GTSE1: variants seen among roughly 807,000 people sequenced by gnomAD.
GTSE1 encodes the protein G2 and S phase-expressed protein 1.
In GTSE1, 52 loss-of-function variants were observed where a neutral mutation model predicts 60.5. The ratio of observed to expected loss-of-function variants is 0.86; its 90% CI spans 0.69 to 1.08. The LOEUF is 1.08. GTSE1 is among the 50% of genes least tolerant of loss of function. GTSE1 has a pLI of 0.00. For synonymous variants in GTSE1, 368 were observed against 386.5 expected (o/e 0.95, Z 0.56); for missense variants, 937 against 961.8 (o/e 0.97, Z 0.34).
chr22:46,323,287 CTCTT>C, intron 8 of GTSE1, 25 bp downstream of exon 8: 1 of 1,551,640 alleles, frequency 6.4e-7, no homozygotes, highest in South Asian at 1.1e-5. Flanking sequence ...TCCGCTTCCT[CTCTT>C]TATTGCTGTA....
rs189739108 is a variant in GTSE1, at chr22:46,317,175, C to A, written c.1432+763C>A. On this transcript the variant is annotated intron_variant, in intron 7 of 11. Coordinates refer to ENST00000454366, the MANE Select transcript of GTSE1 (RefSeq NM_016426.7). The surrounding 1 kb of genome is among the most constrained non-coding windows in gnomAD (Gnocchi z 5.6). Reference sequence around the variant, plus strand: ...AGAGACGGGGTTTCGCCATGTTGGCCAGGCTGGTCTGGAACTCCTGACCTC... The same window carrying A: ...AGAGACGGGGTTTCGCCATGTTGGCAAGGCTGGTCTGGAACTCCTGACCTC... 3.7e-3 allele frequency among the ~76,000 whole-genome samples: 563 copies of A among 152,204 alleles called. 4 individuals carry two copies. The highest frequency in any genetic ancestry group is 0.011 in the African/African-American group (470 of 41,524).
chr22:46,316,699 G>A lies in GTSE1; in HGVS notation c.1432+287G>A, dbSNP rs915979492. Among the ~76,000 whole-genome samples the A allele has an allele frequency of 1.3e-5, 2 of 152,120 alleles. No homozygotes were observed. The highest frequency in any genetic ancestry group is 2.9e-5 in the Non-Finnish European group (2 of 68,018). On this transcript the variant is annotated intron_variant, in intron 7 of 11. Coordinates refer to ENST00000454366, the MANE Select transcript of GTSE1 (RefSeq NM_016426.7). This position sits in a 1 kb window ranked among gnomAD's most constrained non-coding sequence, Gnocchi z 5.0. ...CGGGAATTTGATTATTATGTGCTTT[G>A]AGGTGGCTTTCTTTGCCTTTATCCC...
In GTSE1 at chr22:46,330,066, C is replaced by A; in HGVS notation, c.2156C>A (p.Pro719His). The A allele has an allele frequency of 6.2e-7, 1 of 1,610,598 alleles. No homozygotes were observed. The highest frequency in any genetic ancestry group is 8.5e-7 in the Non-Finnish European group (1 of 1,176,732). ...TTCCAGCTCATAGACCTGAGCTCCC[C>A]TCTGATCCAGCTGAGCCCTGAGGCT... is the stretch of plus-strand genomic sequence containing the variant. ...VVGQLIDLSS[P>H]LIQLSPEADK... is the part of the protein sequence containing the mutation. The change falls in exon 12 of 12, where the codon CCT becomes CAT. Residue 719 changes from proline to histidine, a missense_variant. Transcript: ENST00000454366. This position sits in a 1 kb window ranked among gnomAD's most constrained non-coding sequence, Gnocchi z 6.0.
At chr22:46,322,982 G>A (rs1433807582) in intron 7 of GTSE1, among the ~76,000 whole-genome samples, 2 of 152,216 alleles carry the variant, frequency 1.3e-5, no homozygotes, top group African/African-American at 4.8e-5. Flanking sequence ...CTTTGCCTGG[G>A]CAGGGGTCCC....
In GTSE1 at chr22:46,309,495, G is replaced by A. The variant is rs1358752627; in HGVS notation, c.762+552G>A. On this transcript the variant is annotated intron_variant, in intron 4 of 11. Transcript: ENST00000454366. The surrounding 1 kb of genome is among the most constrained non-coding windows in gnomAD (Gnocchi z 6.2). ...TGGCTCTTGCTCGGGAGAGGCCACA[G>A]AGAGGAAGACGGGGCGGGTGGGAGC... Among the ~76,000 whole-genome samples, 1 of 152,142 alleles carries A rather than the reference G, an allele frequency of 6.6e-6. No homozygotes were observed. The highest frequency in any genetic ancestry group is 1.9e-4 in the East Asian group (1 of 5,180).
rs2077769929 is a variant in GTSE1, at chr22:46,314,867, AT to A, written c.1051+855del. 6.6e-6 allele frequency among the ~76,000 whole-genome samples: 1 copy of A among 151,272 alleles called. No homozygotes were observed. The highest frequency in any genetic ancestry group is 1.5e-5 in the Non-Finnish European group (1 of 67,850). On this transcript the variant is annotated intron_variant, in intron 6 of 11. Transcript: ENST00000454366. The surrounding 1 kb of genome is among the most constrained non-coding windows in gnomAD (Gnocchi z 7.1). Reference sequence around the variant, plus strand: ...CTCCGTCTCAAAAAAAAAAAAAAAAATGATAAGTGTGAACTCTCTAATCAGA... The same window carrying A: ...CTCCGTCTCAAAAAAAAAAAAAAAAAGATAAGTGTGAACTCTCTAATCAGA...
intron 8 of GTSE1, among the ~76,000 whole-genome samples, chr22:46,326,235 C>T (rs1311949125): frequency 1.3e-5 from 2 of 152,254 alleles, no homozygotes; most frequent in African/African-American, 2.4e-5. Context: ...CCGAAGCCCA[C>T]GCCAGGATGG....
intron 2 of GTSE1, among the ~76,000 whole-genome samples, chr22:46,303,735 T>G (rs2077701852): frequency 6.6e-6 from 1 of 152,236 alleles, no homozygotes. Context: ...GGGCATGTAA[T>G]AGAATTGTAC....
chr22:46,326,285 T>A (rs1278669646), intron 8 of GTSE1, 151 bp from the exon 9 acceptor site: 9 of 626,826 alleles, frequency 1.4e-5, no homozygotes, highest in Admixed American at 3.6e-5. Flanking sequence ...TTGGGGCCTG[T>A]CCCAGGAGAG....
At chr22:46,306,084 G>GTAATTAAGAA (rs1256719884) in intron 2 of GTSE1, among the ~76,000 whole-genome samples, 1 of 151,978 alleles carries the variant, frequency 6.6e-6, no homozygotes, top group African/African-American at 2.4e-5. Flanking sequence ...CCTTGATTAG[G>GTAATTAAGAA]TAATTAAGAA....
In GTSE1 at chr22:46,324,716, A is replaced by G. The variant is rs1418266513; in HGVS notation, c.1505+1454A>G. On this transcript the variant is annotated intron_variant, in intron 8 of 11. Transcript: ENST00000454366. This position sits in a 1 kb window ranked among gnomAD's most constrained non-coding sequence, Gnocchi z 5.2. ...TGTGGTGGGGCTGCCAGAACTTAGCAATAAAGGGAGGAGGGTGGGGAATCC... is the reference window on the plus strand; with the variant it reads ...TGTGGTGGGGCTGCCAGAACTTAGCGATAAAGGGAGGAGGGTGGGGAATCC... 6.6e-6 allele frequency among the ~76,000 whole-genome samples: 1 copy of G among 152,142 alleles called. No homozygotes were observed. The highest frequency in any genetic ancestry group is 1.5e-5 in the Non-Finnish European group (1 of 68,032).
chr22:46,308,100 T>C, intron 2 of GTSE1, 50 bp from the exon 3 acceptor site: 1 of 1,211,696 alleles, frequency 8.3e-7, no homozygotes, highest in South Asian at 1.2e-5. Flanking sequence ...GTAATATTTT[T>C]CTCTTTATCA....
chr22:46,308,234 C>T (rs756681742), intron 3 of GTSE1, 27 bp downstream of exon 3: 3 of 1,608,570 alleles, frequency 1.9e-6, no homozygotes, highest in Non-Finnish European at 2.6e-6. Context: ...TCTTCCCTTG[C>T]CTTGGGCATA....
chr22:46,323,331 C>T (rs1011103341), intron 8 of GTSE1, 69 bp downstream of exon 8: 51 of 1,192,114 alleles, frequency 4.3e-5, no homozygotes, highest in Non-Finnish European at 4.3e-5. Flanking sequence ...TTACCTCAAC[C>T]ATTTGGTAAC....
rs758523349 is a variant in GTSE1, at chr22:46,328,864, C to T, written c.1901C>T (p.Pro634Leu). 34 of 1,613,642 alleles carry T rather than the reference C, an allele frequency of 2.1e-5. No individual in the cohort carries two copies. Among genetic ancestry groups the T allele is most frequent in the Middle Eastern group, 1.6e-4 (1 of 6,084 alleles). Reference protein sequence around the residue: ...ATEVAREEAKPGGDAAPSEAL... With the variant: ...ATEVAREEAKLGGDAAPSEAL... ...GAAGTAGCTCGGGAGGAAGCCAAGC[C>T]GGGTGGAGATGCAGCCCCTAGTGAG... The change falls in exon 10 of 12, where the codon CCG becomes CTG. Residue 634 changes from proline to leucine, a missense_variant. Pro to Leu is a moderately conservative substitution (Grantham distance 98). Transcript: ENST00000454366.
chr22:46,322,230 C>T (rs2077817691), intron 7 of GTSE1, among the ~76,000 whole-genome samples: 1 of 152,042 alleles, frequency 6.6e-6, no homozygotes, highest in Non-Finnish European at 1.5e-5. Flanking sequence ...AGATGGAGGG[C>T]CCAGCAGCAG....
At position 46,309,838 on chromosome 22, in the gene GTSE1, A is replaced by T. The variant is rs1172836238; in HGVS notation, c.762+895A>T. Among the ~76,000 whole-genome samples, 1 of 152,230 alleles carries T rather than the reference A, an allele frequency of 6.6e-6. No homozygotes were observed. The highest frequency in any genetic ancestry group is 2.4e-5 in the African/African-American group (1 of 41,464). On this transcript the variant is annotated intron_variant, in intron 4 of 11. Coordinates refer to ENST00000454366, the MANE Select transcript of GTSE1 (RefSeq NM_016426.7). This position sits in a 1 kb window ranked among gnomAD's most constrained non-coding sequence, Gnocchi z 6.2. ...TTTATTTGGAGCCCGTTTGGGATGTAGATTCCTACCGTGATGTTTCTAGAA... is the reference window on the plus strand; with the variant it reads ...TTTATTTGGAGCCCGTTTGGGATGTTGATTCCTACCGTGATGTTTCTAGAA...
rs2077825381 is a variant in GTSE1 at position 46,323,367 on chromosome 22, C to G, written c.1505+105C>G. On this transcript the variant is annotated intron_variant, in intron 8 of 11. Coordinates refer to ENST00000454366, the MANE Select transcript of GTSE1 (RefSeq NM_016426.7). ...CCTGCAGCCTGGCCTGCGCATCTGG[C>G]TTCCACGCCAGTCTCTTGGGTGCAG... 3 of 860,578 alleles carry G rather than the reference C, an allele frequency of 3.5e-6. No homozygotes were observed. The Admixed American group carries it at 5.2e-5, about 15-fold the overall frequency. The allele number at this position is 860,578 out of a possible 1,614,324, so 53.3% of individuals were successfully genotyped here.
chr22:46,300,117 G>A (rs1445987243), intron 2 of GTSE1, among the ~76,000 whole-genome samples: 5 of 136,840 alleles, frequency 3.7e-5, no homozygotes, highest in African/African-American at 1.1e-4. Context: ...TTTTCTTTTT[G>A]AGATGGAGTC....
Sources: gnomAD v4.1 joint callset for allele counts (sites outside exome capture counted in the v4.1 genomes callset) on GRCh38, gnomAD v4.1.1 for gene constraint, Gnocchi (gnomAD v3.1) non-coding constraint, MANE v1.5 for transcripts, NCBI Gene and HGNC (gene_info 2026-07-23, HGNC 2026-07-21) for gene names.